SEC16B: variants seen among roughly 807,000 people sequenced by gnomAD.
SEC16B encodes the protein protein transport protein Sec16B.
SEC16B carries 115 observed loss-of-function variants against 141.8 expected under a neutral mutation model. The observed-to-expected ratio is 0.81, with a 90% CI of 0.70 to 0.95. The LOEUF (loss-of-function observed/expected upper bound fraction) is 0.95. Ranked by LOEUF, SEC16B falls within the 40% of genes least tolerant of loss-of-function variation. SEC16B has a pLI of 0.00. For missense variants in SEC16B, 1,291 were observed against 1,312.3 expected (o/e 0.98, Z 0.25); for synonymous variants, 493 against 492.5 (o/e 1.00, Z -0.01).
At chr1:177,956,408 G>A (rs1476701028) in intron 10 of SEC16B, among the ~76,000 whole-genome samples, 1 of 152,088 alleles carries the variant, frequency 6.6e-6, no homozygotes, top group Non-Finnish European at 1.5e-5. Flanking sequence ...ATCAAAAAGG[G>A]AAGGTACAGA....
At chr1:177,934,996 G>A (rs1175811941) in intron 20 of SEC16B, among the ~76,000 whole-genome samples, 1 of 151,850 alleles carries the variant, frequency 6.6e-6, no homozygotes, top group African/African-American at 2.4e-5. Flanking sequence ...CCACTCTCAG[G>A]GCACAGTGGC....
intron 1 of SEC16B, among the ~76,000 whole-genome samples, chr1:177,981,516 T>A (rs754125450): frequency 1.3e-5 from 2 of 152,238 alleles, no homozygotes; most frequent in Non-Finnish European, 2.9e-5. Context: ...ATTCATTCAA[T>A]AATTAATGAC....
At chr1:177,983,063 T>C (rs1654484371) in intron 1 of SEC16B, among the ~76,000 whole-genome samples, 1 of 152,152 alleles carries the variant, frequency 6.6e-6, no homozygotes. Context: ...TGGTGACATG[T>C]GAGATCCATT....
intron 5 of SEC16B, among the ~76,000 whole-genome samples, chr1:177,962,958 A>C (rs1378886424): frequency 6.8e-6 from 1 of 146,862 alleles, no homozygotes; most frequent in Non-Finnish European, 1.5e-5. Context: ...AAATACAAAA[A>C]TTAGCTGGGC....
chr1:177,954,512 G>C (rs1652448538), intron 10 of SEC16B, 136 bp from the exon 11 acceptor site: 1 of 640,060 alleles, frequency 1.6e-6, no homozygotes, highest in Non-Finnish European at 2.8e-6. Flanking sequence ...ATAAGAATGT[G>C]AACAGCCAGG....
At chr1:177,977,297 G>T (rs1271981897) in intron 1 of SEC16B, among the ~76,000 whole-genome samples, 2 of 152,184 alleles carry the variant, frequency 1.3e-5, no homozygotes, top group Non-Finnish European at 2.9e-5. Flanking sequence ...GAGCTGGAAA[G>T]GATCTGTGGA....
chr1:177,965,115 C>G lies in SEC16B; in HGVS notation c.465G>C (p.Lys155Asn). The change falls in exon 4 of 26, where the codon AAG becomes AAC. Residue 155 changes from lysine to asparagine, a missense_variant. By Grantham distance (94) the Lys-to-Asn change is moderately conservative. Transcript: ENST00000308284. The stretch of plus-strand genomic sequence containing the variant: ...TTTCATAATGATGTTCATCAAGGTA[C>G]TTTTGCTCTCGGTAATCTTCGTGCC... The part of the protein sequence containing the change: ...YIWHEDYREQ[K>N]YLDEHHYENQ... The G allele has an allele frequency of 6.2e-7, 1 of 1,613,618 alleles. No homozygotes were observed. Among genetic ancestry groups the G allele is most frequent in the Non-Finnish European group, 8.5e-7 (1 of 1,179,758 alleles).
chr1:177,983,273 G>A (rs765874506), intron 1 of SEC16B, among the ~76,000 whole-genome samples: 10 of 152,080 alleles, frequency 6.6e-5, no homozygotes, highest in African/African-American at 1.4e-4. Flanking sequence ...GCCAGGATCC[G>A]AATCCAGGTC....
At chr1:177,968,583 G>A (rs1653736238) in intron 1 of SEC16B, among the ~76,000 whole-genome samples, 3 of 152,278 alleles carry the variant, frequency 2.0e-5, no homozygotes, top group Admixed American at 1.3e-4. Flanking sequence ...TATGCGAAGT[G>A]CGTAACATGT....
intron 20 of SEC16B, 30 bp downstream of exon 20, chr1:177,936,268 A>G: frequency 6.3e-7 from 1 of 1,577,628 alleles, no homozygotes; most frequent in Non-Finnish European, 8.7e-7. Context: ...TTGAGTGGGC[A>G]GTGGCATCTT....
intron 18 of SEC16B, among the ~76,000 whole-genome samples, 158 bp from the exon 19 acceptor site, chr1:177,937,671 C>G (rs775748368): frequency 6.6e-6 from 1 of 152,168 alleles, no homozygotes; most frequent in Non-Finnish European, 1.5e-5. Flanking sequence ...AAGTAAAACA[C>G]AGTGATTGTA....
intron 12 of SEC16B, among the ~76,000 whole-genome samples, chr1:177,948,922 T>C (rs182418160): frequency 6.7e-6 from 1 of 149,264 alleles, no homozygotes; most frequent in Non-Finnish European, 1.5e-5. Context: ...TAGGTATAAA[T>C]ACACACACAC....
intron 22 of SEC16B, 50 bp from the exon 23 acceptor site, chr1:177,932,856 A>AC (rs1377547667): frequency 2.0e-6 from 3 of 1,515,022 alleles, no homozygotes; most frequent in Non-Finnish European, 2.7e-6. Flanking sequence ...GCAGTTAACA[A>AC]ATTGATGCCC....
In SEC16B at chr1:177,961,672, G is replaced by A. The variant is rs752294289; in HGVS notation, c.705C>T (p.Ser235=). The change falls in exon 6 of 26, where the codon AGC becomes AGT. Residue 235 remains serine (S), a synonymous_variant. Coordinates refer to ENST00000308284, the MANE Select transcript of SEC16B (RefSeq NM_033127.4). ...CTCTGATGTACTGACTGAGCTCATA[G>A]CTGCTGGAGCTGAGACCAGACTCAC... The part of the protein sequence containing the change: ...QQRESGLSSS[S]YELSQYIRDA... 1.2e-6 allele frequency: 2 copies of A among 1,613,980 alleles called. No individual in the cohort carries two copies. Among genetic ancestry groups the A allele is most frequent in the South Asian group, 2.2e-5 (2 of 91,070 alleles).
At chr1:177,981,606 C>T (rs1011249571) in intron 1 of SEC16B, among the ~76,000 whole-genome samples, 2 of 152,108 alleles carry the variant, frequency 1.3e-5, no homozygotes, top group Admixed American at 6.6e-5. Context: ...CAGGTTTTCA[C>T]CATTAACTGG....
At chr1:177,954,699 A>G (rs1184679495) in intron 10 of SEC16B, among the ~76,000 whole-genome samples, 1 of 152,224 alleles carries the variant, frequency 6.6e-6, no homozygotes, top group Non-Finnish European at 1.5e-5. Context: ...AGTAAATACC[A>G]ATGTATAGTA....
At chr1:177,936,711 T>A (rs565915825) in intron 19 of SEC16B, among the ~76,000 whole-genome samples, 8 of 152,280 alleles carry the variant, frequency 5.3e-5, no homozygotes. Flanking sequence ...TAAGAGCTAA[T>A]CATTCTAGAT....
chr1:177,954,549 T>C (rs1652451712), intron 10 of SEC16B, among the ~76,000 whole-genome samples, 173 bp from the exon 11 acceptor site: 1 of 152,200 alleles, frequency 6.6e-6, no homozygotes, highest in Non-Finnish European at 1.5e-5. Context: ...GCACAGTATT[T>C]TTCTCTAGGA....
intron 21 of SEC16B, 66 bp from the exon 22 acceptor site, chr1:177,933,378 C>T (rs1387854489): frequency 8.4e-6 from 13 of 1,554,714 alleles, no homozygotes; most frequent in South Asian, 7.1e-5. Flanking sequence ...GAGGTTAACC[C>T]GCCCCCATGT....
Sources: gnomAD v4.1 joint callset for allele counts (sites outside exome capture counted in the v4.1 genomes callset) on GRCh38, gnomAD v4.1.1 for gene constraint, MANE v1.5 for transcripts, NCBI Gene and HGNC (gene_info 2026-07-23, HGNC 2026-07-21) for gene names.